FAM178B: variants seen among roughly 807,000 people sequenced by gnomAD.
The protein encoded by FAM178B is protein FAM178B.
FAM178B carries 82 observed loss-of-function variants against 91.7 expected under a neutral mutation model. That is an observed-to-expected ratio of 0.89 (90% confidence interval 0.75 to 1.07). FAM178B has a LOEUF of 1.07. FAM178B is among the 50% of genes least tolerant of loss of function. The pLI is 0.00. For missense variants in FAM178B, 769 were observed against 846.7 expected (o/e 0.91, Z 1.14); for synonymous variants, 368 against 359.4 (o/e 1.02, Z -0.27).
At chr2:96,963,630 A>T (rs1232162292) in intron 5 of FAM178B, among the ~76,000 whole-genome samples, 1 of 152,206 alleles carries the variant, frequency 6.6e-6, no homozygotes, top group Non-Finnish European at 1.5e-5. Context: ...AACTGGCACC[A>T]GTCAGGAGGC....
chr2:96,960,880 G>C (rs2153374824), intron 5 of FAM178B, among the ~76,000 whole-genome samples: 1 of 152,292 alleles, frequency 6.6e-6, no homozygotes, highest in Admixed American at 6.5e-5. Context: ...GGTGCGGCCA[G>C]TGTCGGGGAC....
Position 96,876,683 on chromosome 2 carries a change from T to C in FAM178B, c.2008-375A>G, listed in dbSNP as rs149508835. Among the ~76,000 whole-genome samples, 744 of 151,896 alleles carry C rather than the reference T, an allele frequency of 4.9e-3. 2 individuals are homozygous for C. Among genetic ancestry groups the C allele is most frequent in the African/African-American group, 0.016 (660 of 41,390 alleles). On this transcript the variant is annotated intron_variant, in intron 16 of 16. Coordinates refer to ENST00000490605, the MANE Select transcript of FAM178B (RefSeq NM_001122646.3). ...CAAACCACAGCCTGTGGCCAGTGTG[T>C]CAGACCTAAGTCAGAGGTTATAGGG...
At chr2:96,876,677 A>G (rs1007238991) in intron 16 of FAM178B, among the ~76,000 whole-genome samples, 1 of 151,704 alleles carries the variant, frequency 6.6e-6, no homozygotes, top group Non-Finnish European at 1.5e-5. Context: ...GCCTGTGGCC[A>G]GTGTGTCAGA....
At chr2:96,893,503 G>A (rs1296951607) in intron 14 of FAM178B, among the ~76,000 whole-genome samples, 1 of 152,074 alleles carries the variant, frequency 6.6e-6, no homozygotes, top group East Asian at 1.9e-4. Flanking sequence ...CAGGGAGGCT[G>A]GGCCCAGCTC....
chr2:96,928,335 G>A (rs925629600), intron 9 of FAM178B, among the ~76,000 whole-genome samples: 2 of 152,212 alleles, frequency 1.3e-5, no homozygotes, highest in Non-Finnish European at 2.9e-5. Flanking sequence ...AGAACAAGAT[G>A]ACGATATATA....
At chr2:96,954,584 A>C (rs1470241425) in intron 6 of FAM178B, among the ~76,000 whole-genome samples, 1 of 152,266 alleles carries the variant, frequency 6.6e-6, no homozygotes, top group Admixed American at 6.5e-5. Flanking sequence ...ATGCCTTTAG[A>C]ATCCCAAGTG....
At chr2:96,964,643 A>G (rs1255292889) in intron 5 of FAM178B, among the ~76,000 whole-genome samples, 1 of 138,440 alleles carries the variant, frequency 7.2e-6, no homozygotes, top group African/African-American at 2.7e-5. Context: ...ACTCTATCAA[A>G]GAAAGAGAAA....
Position 96,921,195 on chromosome 2 carries a change from T to G in FAM178B, c.1532A>C (p.Gln511Pro), listed in dbSNP as rs2153370852. The G allele has an allele frequency of 1.3e-6, 2 of 1,551,534 alleles. No individual in the cohort carries two copies. The highest frequency in any genetic ancestry group is 2.4e-5 in the South Asian group (2 of 84,048). Reference sequence around the variant, plus strand: ...CCGGGAGGTCATGTCTGGGAAGAACTGCACGAGGGCCAGCAGGTTGTGGTG... The same window carrying G: ...CCGGGAGGTCATGTCTGGGAAGAACGGCACGAGGGCCAGCAGGTTGTGGTG... ...DHHHNLLALV[Q>P]FFPDMTSRSR... The change falls in exon 12 of 17, where the codon CAG becomes CCG. Residue 511 changes from glutamine (Q) to proline (P), a missense_variant. Gln to Pro is a moderately conservative substitution (Grantham distance 76, BLOSUM62 -1). Transcript: ENST00000490605.
At chr2:96,979,112 G>A (rs1353751398) in intron 1 of FAM178B, among the ~76,000 whole-genome samples, 1 of 150,014 alleles carries the variant, frequency 6.7e-6, no homozygotes, top group Non-Finnish European at 1.5e-5. Flanking sequence ...GAGTAGCTGG[G>A]ACTACAGACA....
chr2:96,969,990 C>T lies in FAM178B; in HGVS notation c.626+726G>A, dbSNP rs115549729. On this transcript the variant is annotated intron_variant, in intron 4 of 16. Coordinates refer to ENST00000490605, the MANE Select transcript of FAM178B (RefSeq NM_001122646.3). ...CGCCCACACTTAACTTCTGCAAACA[C>T]AATGGACATGCACTGAACAAAAACA... 3.4e-3 allele frequency among the ~76,000 whole-genome samples: 520 copies of T among 152,344 alleles called. 4 individuals are homozygous for T. Among genetic ancestry groups the T allele is most frequent in the African/African-American group, 0.011 (473 of 41,576 alleles).
At chr2:96,977,760 T>C (rs1345742741) in intron 1 of FAM178B, 7 of 449,482 alleles carry the variant, frequency 1.6e-5, no homozygotes. Flanking sequence ...TGAGCACAAG[T>C]GCTTTCTGTG....
At chr2:96,977,926 T>C in intron 1 of FAM178B, 3 of 428,072 alleles carry the variant, frequency 7.0e-6, no homozygotes, top group Non-Finnish European at 1.4e-5. Context: ...AGTTCAGCAG[T>C]TCATCGCTGG....
At chr2:96,891,717 C>T (rs1243406439) in intron 14 of FAM178B, among the ~76,000 whole-genome samples, 2 of 152,188 alleles carry the variant, frequency 1.3e-5, no homozygotes, top group Non-Finnish European at 2.9e-5. Flanking sequence ...AGGCCTGAGG[C>T]AGCCAGAGGA....
chr2:96,883,939 T>C (rs545048314), intron 14 of FAM178B, among the ~76,000 whole-genome samples: 1 of 152,126 alleles, frequency 6.6e-6, no homozygotes, highest in Non-Finnish European at 1.5e-5. Flanking sequence ...GTATCATCAT[T>C]GCCACACACG....
At chr2:96,941,820 T>A (rs1419058512) in intron 8 of FAM178B, among the ~76,000 whole-genome samples, 1 of 152,242 alleles carries the variant, frequency 6.6e-6, no homozygotes, top group Admixed American at 6.5e-5. Flanking sequence ...TTGATCTCGC[T>A]GATAGAGCTC....
rs6715329 is a variant in FAM178B, at chr2:96,972,168, T to C, written c.297A>G (p.Ile99Met). Residue 99 changes from isoleucine to methionine, a missense_variant, in exon 3 of 17, where the codon ATA (isoleucine) becomes ATG (methionine). Transcript: ENST00000490605. ...TGGGAAACGTTTCCCCAGGTGCCTGTATCTTGGGCTTCTTTGGCGATGTGG... is the reference window on the plus strand; with the variant it reads ...TGGGAAACGTTTCCCCAGGTGCCTGCATCTTGGGCTTCTTTGGCGATGTGG... The part of the protein sequence containing the change: ...PAPTSPKKPK[I>M]QAPGETFPTD... 1,267,687 of 1,545,338 alleles carry C rather than the reference T, an allele frequency of 0.82. 535,862 individuals are homozygous for C. Among genetic ancestry groups the C allele is most frequent in the Non-Finnish European group, 0.88 (1,001,590 of 1,144,312 alleles).
At chr2:96,982,633 A>T (rs1028074472) in intron 1 of FAM178B, among the ~76,000 whole-genome samples, 1 of 151,472 alleles carries the variant, frequency 6.6e-6, no homozygotes, top group Non-Finnish European at 1.5e-5. Flanking sequence ...CAATGTCATG[A>T]TCACAGCTCT....
intron 13 of FAM178B, 96 bp from the exon 14 acceptor site, chr2:96,894,147 G>A (rs2080752613): frequency 4.9e-6 from 7 of 1,434,004 alleles, no homozygotes; most frequent in East Asian, 2.6e-5. Flanking sequence ...GCTGGTGGCA[G>A]TGTGTTAGGG....
chr2:96,880,292 G>A (rs778112187), intron 14 of FAM178B, among the ~76,000 whole-genome samples: 1 of 152,090 alleles, frequency 6.6e-6, no homozygotes, highest in Admixed American at 6.6e-5. Context: ...GACCCTGAGG[G>A]CGGTTCCAGA....
Sources: gnomAD v4.1 joint callset for allele counts (sites outside exome capture counted in the v4.1 genomes callset) on GRCh38, gnomAD v4.1.1 for gene constraint, MANE v1.5 for transcripts, NCBI Gene and HGNC (gene_info 2026-07-23, HGNC 2026-07-21) for gene names.